The following FCGR3B variants were observed in gnomAD, a reference collection of about 807,000 sequenced individuals.
The protein encoded by FCGR3B is low affinity immunoglobulin gamma Fc region receptor III-B.
Under a neutral mutation model 26.7 loss-of-function variants are expected in FCGR3B, and 20 were observed. That is an observed-to-expected ratio of 0.75 (90% CI 0.53 to 1.09). The LOEUF (loss-of-function observed/expected upper bound fraction) is 1.09, where lower values mean the gene tolerates loss of function less well. FCGR3B is among the 50% of genes least tolerant of loss of function. The pLI is 0.00. For synonymous variants in FCGR3B, 79 were observed against 107.0 expected, an observed-to-expected ratio of 0.74 and a Z score of 1.62; for missense variants, 191 against 279.7, an observed-to-expected ratio of 0.68 and a Z score of 2.26.
chr1:161,631,239 A>G (rs549729724), upstream of FCGR3B: 3 of 1,552,796 alleles, frequency 1.9e-6, no homozygotes, highest in Admixed American at 3.7e-5. Flanking sequence ...TTGAAACTTC[A>G]TCTGATTTCT....
intron 3 of FCGR3B, among the ~76,000 whole-genome samples, chr1:161,626,868 C>T (rs747057047): frequency 6.7e-6 from 1 of 150,310 alleles, no homozygotes; most frequent in East Asian, 1.9e-4. Flanking sequence ...CTCTTGTGGC[C>T]TTCAGGAATA....
upstream of FCGR3B, chr1:161,631,245 T>C (rs199878007): frequency 1.9e-4 from 298 of 1,539,384 alleles, 12 homozygotes; most frequent in Middle Eastern, 5.2e-4. Flanking sequence ...CTTCATCTGA[T>C]TTCTCAATCT....
intron 2 of FCGR3B, 43 bp downstream of exon 2, chr1:161,630,325 A>G (rs374499089): frequency 1.3e-6 from 2 of 1,572,406 alleles, no homozygotes; most frequent in Non-Finnish European, 1.7e-6. Context: ...TTGTCCCCAT[A>G]TGTGCCCCAC....
intron 4 of FCGR3B, among the ~76,000 whole-genome samples, chr1:161,625,309 AG>A (rs1446525209): frequency 2.2e-5 from 3 of 137,664 alleles, no homozygotes; most frequent in Non-Finnish European, 4.7e-5. Flanking sequence ...GAAACTGGAA[AG>A]TCCAGGCACA....
rs772778024 is a variant in FCGR3B at position 161,624,644 on chromosome 1, TAGG to T, written c.578-8_578-6del. On this transcript the variant is annotated splice_polypyrimidine_tract_variant and splice_region_variant and intron_variant, in intron 4 of 4. Transcript: ENST00000650385. ...AGATGGTTGACACTGCCAAACCTAT[TAGG>T]AGAAGTGGAGAGATGAAAAAAAATG... The T allele has an allele frequency of 1.2e-6, 2 of 1,600,638 alleles. No individual in the cohort carries two copies. The highest frequency in any genetic ancestry group is 1.4e-5 in the African/African-American group (1 of 72,462).
chr1:161,626,309 T>G lies in FCGR3B; in HGVS notation c.413A>C (p.Lys138Thr). Residue 138 changes from lysine (K) to threonine (T), a missense_variant, in exon 4 of 5, where the codon AAG becomes ACG. By Grantham distance (78) the Lys-to-Thr change is moderately conservative. This residue lies in a region of FCGR3B where 103 missense variants were observed against 114.5 expected (regional missense o/e 0.90). Coordinates refer to ENST00000650385, the MANE Select transcript of FCGR3B (RefSeq NM_001244753.2). Reference protein sequence around the residue: ...CHSWKNTALHKVTYLQNGKDR... With the variant: ...CHSWKNTALHTVTYLQNGKDR... ...TTTGCCATTCTGTAAATATGTGACCTTATGCAGAGCAGTGTTCTTCCAGCT... is the reference window on the plus strand; with the variant it reads ...TTTGCCATTCTGTAAATATGTGACCGTATGCAGAGCAGTGTTCTTCCAGCT... 1 of 1,609,078 alleles carries G rather than the reference T, an allele frequency of 6.2e-7. No individual in the cohort carries two copies.
At position 161,630,324 on chromosome 1, in the gene FCGR3B, T is replaced by C. The variant is rs751680012; in HGVS notation, c.61+44A>G. 3.8e-6 allele frequency: 6 copies of C among 1,571,084 alleles called. 1 individual carries two copies. In the African/African-American group the frequency reaches 4.3e-5, roughly 11 times the overall value. On this transcript the variant is annotated intron_variant, in intron 2 of 4. Coordinates refer to ENST00000650385, the MANE Select transcript of FCGR3B (RefSeq NM_001244753.2). ...CAATATCTTATGGCCATTGTCCCCATATGTGCCCCACTGGGTCAATCCAAG... is the reference window on the plus strand; with the variant it reads ...CAATATCTTATGGCCATTGTCCCCACATGTGCCCCACTGGGTCAATCCAAG...
chr1:161,624,624 G>T lies in FCGR3B; in HGVS notation c.593C>A (p.Thr198Asn). 6.2e-7 allele frequency: 1 copy of T among 1,605,756 alleles called. No homozygotes were observed. The highest frequency in any genetic ancestry group is 1.1e-5 in the South Asian group (1 of 90,284). Reference protein sequence around the residue: ...ITITQGLAVSTISSFSPPGYQ... With the variant: ...ITITQGLAVSNISSFSPPGYQ... ...CCCAGGTGGAGAGAATGATGAGATG[G>T]TTGACACTGCCAAACCTATTAGGAG... The change falls in exon 5 of 5, where the codon ACC becomes AAC. Residue 198 changes from threonine (T) to asparagine (N), a missense_variant. Around this residue, in one of 2 missense-constraint regions of FCGR3B, gnomAD observed 103 missense variants for 114.5 expected, o/e 0.90. Transcript: ENST00000650385.
intron 1 of FCGR3B, among the ~76,000 whole-genome samples, chr1:161,630,591 T>G (rs1400539180): frequency 6.9e-6 from 1 of 145,196 alleles, no homozygotes; most frequent in Non-Finnish European, 1.5e-5. Flanking sequence ...TCAACACAAA[T>G]CCCTATTTTC....
intron 3 of FCGR3B, among the ~76,000 whole-genome samples, chr1:161,628,272 C>CAAAAAA (rs1679574352): frequency 6.7e-6 from 1 of 149,432 alleles, no homozygotes; most frequent in African/African-American, 2.5e-5. Flanking sequence ...AACTCTGTCT[C>CAAAAAA]AAAAACAAAA....
rs1325894763 is a variant in FCGR3B, at chr1:161,624,273, A to G, written c.*242T>C. ...ACTGGGGCTTCCCTGCTTGAAGATCATGGGCTTTTCCCTTCCACTGGAGAC... is the reference window on the plus strand; with the variant it reads ...ACTGGGGCTTCCCTGCTTGAAGATCGTGGGCTTTTCCCTTCCACTGGAGAC... On this transcript the variant is annotated 3_prime_UTR_variant, in exon 5 of 5. Coordinates refer to ENST00000650385, the MANE Select transcript of FCGR3B (RefSeq NM_001244753.2). 1.0e-5 allele frequency: 5 copies of G among 486,892 alleles called. No individual in the cohort carries two copies. The East Asian group carries it at 1.3e-4, about 12-fold the overall frequency. 30.2% of individuals were successfully genotyped at this position (486,892 alleles called of 1,614,324 possible).
intron 3 of FCGR3B, among the ~76,000 whole-genome samples, chr1:161,628,209 G>A (rs1227125495): frequency 2.7e-5 from 4 of 150,054 alleles, no homozygotes; most frequent in Non-Finnish European, 4.4e-5. Context: ...GGAGGTGGAG[G>A]TTGCAGTGAA....
Position 161,629,909 on chromosome 1 carries a change from T to C in FCGR3B, c.188A>G (p.Asn63Ser), listed in dbSNP as rs750461683. 26 of 1,508,758 alleles carry C rather than the reference T, an allele frequency of 1.7e-5. 2 individuals are homozygous for C. The highest frequency in any genetic ancestry group is 1.2e-4 in the East Asian group (4 of 34,122). The allele number at this position is 1,508,758 out of a possible 1,614,324, so 93.5% of individuals were successfully genotyped here. The change falls in exon 3 of 5, where the codon AAT (asparagine) becomes AGT (serine). Residue 63 changes from asparagine to serine, a missense_variant. Around this residue, in one of 2 missense-constraint regions of FCGR3B, gnomAD observed 88 missense variants for 165.2 expected, o/e 0.53. Coordinates refer to ENST00000650385, the MANE Select transcript of FCGR3B (RefSeq NM_001244753.2). ...PEDNSTQWFH[N>S]ENLISSQASS... The stretch of plus-strand genomic sequence containing the variant: ...GGCCTGGCTTGAGATGAGGTTCTCA[T>C]TGTGAAACCACTGTGTGGAATTGTC...
upstream of FCGR3B, chr1:161,631,201 A>G: frequency 6.3e-7 from 1 of 1,592,910 alleles, no homozygotes. Context: ...CCCTCCACCC[A>G]TCTCTGTCAC....
intron 3 of FCGR3B, among the ~76,000 whole-genome samples, chr1:161,628,589 C>G (rs1679592266): frequency 6.8e-6 from 1 of 148,060 alleles, no homozygotes; most frequent in African/African-American, 2.5e-5. Flanking sequence ...TCTTGTAGCT[C>G]TGGAGAGTGA....
chr1:161,631,165 G>A lies in FCGR3B; in HGVS notation c.-71C>T, dbSNP rs1288133747. On this transcript the variant is annotated 5_prime_UTR_variant, in exon 1 of 5. Coordinates refer to ENST00000650385, the MANE Select transcript of FCGR3B (RefSeq NM_001244753.2). ...TAAAGGGACCAAGCCGACTAGACAG[G>A]AGGGAGTAAACAGCCTTTCCCCAGT... 1.2e-5 allele frequency: 19 copies of A among 1,607,192 alleles called. No individual in the cohort carries two copies. The highest frequency in any genetic ancestry group is 1.6e-5 in the Non-Finnish European group (19 of 1,177,122).
chr1:161,626,418 A>G lies in FCGR3B; in HGVS notation c.320-16T>C, dbSNP rs755635433. ...AACAGCCAGCCTGAAAGACACAGAGACACCCCAGGCCCGGGAGGCCTCAGC... is the reference window on the plus strand; with the variant it reads ...AACAGCCAGCCTGAAAGACACAGAGGCACCCCAGGCCCGGGAGGCCTCAGC... On this transcript the variant is annotated splice_polypyrimidine_tract_variant and intron_variant, in intron 3 of 4. Coordinates refer to ENST00000650385, the MANE Select transcript of FCGR3B (RefSeq NM_001244753.2). 5 of 1,608,440 alleles carry G rather than the reference A, an allele frequency of 3.1e-6. 1 individual carries two copies. Among genetic ancestry groups the G allele is most frequent in the African/African-American group, 2.7e-5 (2 of 73,132 alleles).
upstream of FCGR3B, chr1:161,631,255 TGAAGTCTCGCAATG>T: frequency 6.6e-7 from 1 of 1,514,774 alleles, no homozygotes. Context: ...TTTCTCAATC[TGAAGTCTCGCAATG>T]GAGCCCCACC....
chr1:161,623,645 G>T lies in FCGR3B; in HGVS notation c.*870C>A, dbSNP rs948987510. On this transcript the variant is annotated 3_prime_UTR_variant, in exon 5 of 5. Transcript: ENST00000650385. The stretch of plus-strand genomic sequence containing the variant: ...TCTTCTCAGGCTTTCTCATTCTGAT[G>T]CTGAGATAGTTCTGTTCACTTAGCT... 3 of 148,652 alleles carry T rather than the reference G, an allele frequency of 2.0e-5. No individual in the cohort carries two copies. Among genetic ancestry groups the T allele is most frequent in the Non-Finnish European group, 4.5e-5 (3 of 67,406 alleles). 9.2% of individuals were successfully genotyped at this position (148,652 alleles called of 1,614,324 possible). A position where few individuals can be genotyped will look rare whatever the true frequency, so the allele number is the denominator to read the frequency against.
Sources: allele counts gnomAD v4.1 joint callset (sites outside exome capture counted in the v4.1 genomes callset), GRCh38; gene constraint gnomAD v4.1.1; regional missense constraint gnomAD v4.1.1; transcripts MANE v1.5; gene names NCBI Gene and HGNC (gene_info 2026-07-23, HGNC 2026-07-21).